Variants in DDX31 observed in about 807,000 individuals in gnomAD.
The protein encoded by DDX31 is DEAD-box helicase 31.
Under a neutral mutation model 91.3 loss-of-function variants are expected in DDX31, and 70 were observed. The ratio of observed to expected loss-of-function variants is 0.77; its 90% CI spans 0.63 to 0.94. The LOEUF is 0.94. Ranked by LOEUF, DDX31 falls within the 40% of genes least tolerant of loss-of-function variation. The probability of loss-of-function intolerance (pLI) is 0.00; values close to 1 mark genes in which losing one functional copy is unlikely to be tolerated. For missense variants in DDX31, 902 were observed against 925.0 expected (o/e 0.98, Z 0.32); for synonymous variants, 362 against 350.6 (o/e 1.03, Z -0.36).
chr9:132,606,914 G>C (rs575913436), intron 19 of DDX31, among the ~76,000 whole-genome samples: 1 of 152,294 alleles, frequency 6.6e-6, no homozygotes, highest in South Asian at 2.1e-4. Context: ...ATGAGCAAGG[G>C]TGAGAACCAG....
At chr9:132,663,487 C>CTTAAA (rs1249301287) in intron 1 of DDX31, 1 of 985,282 alleles carries the variant, frequency 1.0e-6, no homozygotes, top group Non-Finnish European at 1.2e-6. Context: ...CAGGAATGTG[C>CTTAAA]TTAAATGCAT....
intron 1 of DDX31, among the ~76,000 whole-genome samples, chr9:132,669,307 A>T (rs1273653821): frequency 6.8e-6 from 1 of 146,098 alleles, no homozygotes; most frequent in Admixed American, 6.9e-5. Flanking sequence ...TGGCAAAGAA[A>T]CATGTTTAGG....
intron 14 of DDX31, among the ~76,000 whole-genome samples, 154 bp from the exon 15 acceptor site, chr9:132,632,245 C>CGT (rs1832799264): frequency 2.5e-5 from 2 of 78,552 alleles, no homozygotes; most frequent in African/African-American, 2.1e-4. Flanking sequence ...TACGTGTACA[C>CGT]ACACACACAC....
chr9:132,629,637 AAC>A (rs1832605580), intron 16 of DDX31, among the ~76,000 whole-genome samples: 1 of 152,236 alleles, frequency 6.6e-6, no homozygotes, highest in Non-Finnish European at 1.5e-5. Context: ...TTTTACATAA[AAC>A]ACAGGGCTGG....
intron 9 of DDX31, among the ~76,000 whole-genome samples, chr9:132,649,017 T>C (rs1834013578): frequency 6.6e-6 from 1 of 152,198 alleles, no homozygotes; most frequent in African/African-American, 2.4e-5. Flanking sequence ...CTTTGTCCCA[T>C]GGGTTATATA....
At chr9:132,668,158 C>T (rs747982919) in intron 1 of DDX31, among the ~76,000 whole-genome samples, 4 of 152,108 alleles carry the variant, frequency 2.6e-5, no homozygotes, top group Non-Finnish European at 5.9e-5. Context: ...ACATCTAAAT[C>T]CTAAAGTTTG....
At chr9:132,603,611 G>A (rs1409404095) in intron 19 of DDX31, among the ~76,000 whole-genome samples, 6 of 152,194 alleles carry the variant, frequency 3.9e-5, no homozygotes, top group Non-Finnish European at 7.3e-5. Context: ...GAGCAAGGAC[G>A]AGCTAATGAA....
intron 19 of DDX31, among the ~76,000 whole-genome samples, chr9:132,602,743 A>G (rs1830787610): frequency 6.6e-6 from 1 of 152,232 alleles, no homozygotes; most frequent in Admixed American, 6.5e-5. Context: ...TTATTCACTT[A>G]CAAAAGCTAA....
chr9:132,626,979 G>A (rs1832433091), intron 16 of DDX31, among the ~76,000 whole-genome samples: 1 of 152,072 alleles, frequency 6.6e-6, no homozygotes, highest in African/African-American at 2.4e-5. Context: ...ATTTTTCATA[G>A]GAGAGAGCAA....
intron 18 of DDX31, among the ~76,000 whole-genome samples, chr9:132,614,867 A>T (rs1299192378): frequency 6.6e-6 from 1 of 152,140 alleles, no homozygotes; most frequent in Non-Finnish European, 1.5e-5. Context: ...CTCCTGTCTC[A>T]CCGGGGACAG....
intron 12 of DDX31, 79 bp downstream of exon 12, chr9:132,646,744 C>T: frequency 1.4e-6 from 2 of 1,426,008 alleles, no homozygotes; most frequent in South Asian, 2.4e-5. Context: ...GGTGTCTCAA[C>T]TCATTGCTCC....
At chr9:132,632,239 TGTACACACAC>T (rs1430999885) in intron 14 of DDX31, 148 bp from the exon 15 acceptor site, 2,442 of 53,346 alleles carry the variant, frequency 0.046, 363 homozygotes, top group East Asian at 0.18. Flanking sequence ...GCCCAGTACG[TGTACACACAC>T]ACACACACAC....
intron 14 of DDX31, among the ~76,000 whole-genome samples, chr9:132,633,781 G>A (rs777243325): frequency 3.9e-5 from 6 of 152,146 alleles, no homozygotes; most frequent in Admixed American, 6.5e-5. Context: ...GACTCAGACC[G>A]AAGTGTATTG....
rs1433734511 is a variant in DDX31 at position 132,595,016 on chromosome 9, G to A, written c.2091C>T (p.Val697=). The A allele has an allele frequency of 1.2e-6, 2 of 1,614,204 alleles. No individual in the cohort carries two copies. Among genetic ancestry groups the A allele is most frequent in the South Asian group, 1.1e-5 (1 of 91,076 alleles). ...SSGMEADIAK[V]KKQNAPGEPG... is the part of the protein sequence containing the mutation. ...GCTCTCCAGGTGCGTTTTGCTTTTTGACCTTGGCGATGTCGGCCTCCATGC... is the reference window on the plus strand; with the variant it reads ...GCTCTCCAGGTGCGTTTTGCTTTTTAACCTTGGCGATGTCGGCCTCCATGC... Residue 697 remains valine (V), a synonymous_variant, in exon 20 of 20, where the codon GTC becomes GTT. Coordinates refer to ENST00000372159, the MANE Select transcript of DDX31 (RefSeq NM_022779.9). The surrounding 1 kb of genome is among the most constrained non-coding windows in gnomAD (Gnocchi z 4.6).
At chr9:132,637,823 G>A (rs540011337) in intron 14 of DDX31, 11 of 985,470 alleles carry the variant, frequency 1.1e-5, no homozygotes, top group Admixed American at 6.1e-5. Flanking sequence ...AAAATAAAAC[G>A]AAAAAGATAC....
intron 6 of DDX31, 30 bp downstream of exon 6, chr9:132,658,641 C>T: frequency 2.5e-6 from 4 of 1,601,046 alleles, no homozygotes; most frequent in Non-Finnish European, 3.4e-6. Flanking sequence ...GCACTATGAG[C>T]AATGACAGAA....
rs763347770 is a variant in DDX31, at chr9:132,669,632, C to G, written c.75+228G>C. ...TTTCTAGGCGCAGGAGCCAGCTCCC[C>G]GCCCCTCCACACCGCTCCACTCCCC... On this transcript the variant is annotated intron_variant, in intron 1 of 19. Coordinates refer to ENST00000372159, the MANE Select transcript of DDX31 (RefSeq NM_022779.9). 589 of 1,529,968 alleles carry G rather than the reference C, an allele frequency of 3.8e-4. 1 individual carries two copies. Among genetic ancestry groups the G allele is most frequent in the Non-Finnish European group, 4.8e-4 (553 of 1,143,706 alleles). 94.8% of individuals were successfully genotyped at this position (1,529,968 alleles called of 1,614,324 possible).
chr9:132,648,132 T>C, intron 11 of DDX31, 57 bp downstream of exon 11: 1 of 1,439,928 alleles, frequency 6.9e-7, no homozygotes, highest in Non-Finnish European at 9.6e-7. Flanking sequence ...AGGTTAAATC[T>C]AGGTCCTTCC....
chr9:132,607,882 A>G lies in DDX31; in HGVS notation c.1994+4205T>C, dbSNP rs994104604. 2.1e-4 allele frequency among the ~76,000 whole-genome samples: 32 copies of G among 152,310 alleles called. 1 individual carries two copies. The highest frequency in any genetic ancestry group is 4.1e-4 in the Non-Finnish European group (28 of 68,034). On this transcript the variant is annotated intron_variant, in intron 19 of 19. Coordinates refer to ENST00000372159, the MANE Select transcript of DDX31 (RefSeq NM_022779.9). ...TCTATATTATTGAGCCATTTTCCACAGAGTGGCAGCGAAATGAGAGAGAAT... is the reference window on the plus strand; with the variant it reads ...TCTATATTATTGAGCCATTTTCCACGGAGTGGCAGCGAAATGAGAGAGAAT...
Sources: allele counts gnomAD v4.1 joint callset (sites outside exome capture counted in the v4.1 genomes callset), GRCh38; gene constraint gnomAD v4.1.1; non-coding constraint Gnocchi (gnomAD v3.1); transcripts MANE v1.5; gene names NCBI Gene and HGNC (gene_info 2026-07-23, HGNC 2026-07-21).